Variants in CACNA1C observed in about 807,000 individuals in gnomAD.
CACNA1C encodes the protein calcium voltage-gated channel subunit alpha1 C, also known as voltage-dependent L-type calcium channel subunit alpha-1C.
Under a neutral mutation model 229.0 loss-of-function variants are expected in CACNA1C, and 30 were observed. The observed-to-expected ratio is 0.13, with a 90% CI of 0.10 to 0.18. The LOEUF (loss-of-function observed/expected upper bound fraction) is 0.18, where lower values mean the gene tolerates loss of function less well. CACNA1C is among the 10% of genes least tolerant of loss of function. The probability of loss-of-function intolerance (pLI) is 1.00; values close to 1 mark genes in which losing one functional copy is unlikely to be tolerated. For missense variants in CACNA1C, 1,658 were observed against 2,845.0 expected, an observed-to-expected ratio of 0.58 and a Z score of 9.49; for synonymous variants, 1,114 against 1,132.5, an observed-to-expected ratio of 0.98 and a Z score of 0.33.
intron 3 of CACNA1C, among the ~76,000 whole-genome samples, chr12:2,156,140 G>A (rs1034584542): frequency 9.2e-5 from 14 of 152,092 alleles, no homozygotes; most frequent in Non-Finnish European, 1.9e-4. Context: ...TATCTTTTAA[G>A]GTACACATAC....
chr12:2,420,779 C>T (rs1567584289), intron 3 of CACNA1C, among the ~76,000 whole-genome samples: 1 of 152,172 alleles, frequency 6.6e-6, no homozygotes, highest in African/African-American at 2.4e-5. Context: ...CCTGGCTCTG[C>T]GCCTTGCATT....
rs1048552468 is a variant in CACNA1C at position 2,054,549 on chromosome 12, TC to T, written c.49+940del. On this transcript the variant is annotated intron_variant, in intron 1 of 46. Coordinates refer to ENST00000399655, the MANE Select transcript of CACNA1C (RefSeq NM_000719.7). The surrounding 1 kb of genome is among the most constrained non-coding windows in gnomAD (Gnocchi z 5.5). ...AAAGGCAGTCAGGTAACTCCCTACT[TC>T]CTGGAAACTTTCTCCCTCACCGCTC... 6.6e-6 allele frequency among the ~76,000 whole-genome samples: 1 copy of T among 152,134 alleles called. No individual in the cohort carries two copies.
chr12:2,402,253 T>G (rs2098688794), intron 3 of CACNA1C, among the ~76,000 whole-genome samples: 1 of 152,266 alleles, frequency 6.6e-6, no homozygotes, highest in Non-Finnish European at 1.5e-5. Flanking sequence ...CCTTTAATAT[T>G]ATGCTTCTCC....
intron 3 of CACNA1C, among the ~76,000 whole-genome samples, chr12:2,185,961 CTGAT>C (rs60948276): frequency 0.031 from 4,750 of 152,236 alleles, 240 homozygotes; most frequent in African/African-American, 0.11. Flanking sequence ...CACTTGTAGC[CTGAT>C]TGATTGGTTT....
rs1407177079 is a variant in CACNA1C, at chr12:2,602,017, G to C, written c.2960+57G>C. The C allele has an allele frequency of 8.4e-7, 1 of 1,190,790 alleles. No individual in the cohort carries two copies. Among genetic ancestry groups the C allele is most frequent in the Non-Finnish European group, 1.3e-6 (1 of 794,950 alleles). 73.8% of individuals were successfully genotyped at this position (1,190,790 alleles called of 1,614,324 possible). On this transcript the variant is annotated intron_variant, in intron 22 of 46. Coordinates refer to ENST00000399655, the MANE Select transcript of CACNA1C (RefSeq NM_000719.7). The surrounding 1 kb of genome is among the most constrained non-coding windows in gnomAD (Gnocchi z 4.4). ...CATGCAGCTAGCAAGGGGTGCCAGA[G>C]AGGACAACCAGACCCTGGAGGGCCT...
At chr12:1,996,533 TC>T (rs1467344010) in intron 1 of CACNA1C, among the ~76,000 whole-genome samples, 1 of 144,984 alleles carries the variant, frequency 6.9e-6, no homozygotes, top group Non-Finnish European at 1.5e-5. Context: ...GGGTGTCCAA[TC>T]TTTTGGCCTT....
chr12:2,420,962 C>A (rs2098972680), intron 3 of CACNA1C, among the ~76,000 whole-genome samples: 1 of 152,000 alleles, frequency 6.6e-6, no homozygotes, highest in Non-Finnish European at 1.5e-5. Context: ...GGAAATGCAC[C>A]CTTATTTTAG....
chr12:2,078,851 T>C (rs1483766625), intron 1 of CACNA1C, among the ~76,000 whole-genome samples: 1 of 152,142 alleles, frequency 6.6e-6, no homozygotes, highest in Admixed American at 6.5e-5. Flanking sequence ...GCGGCACTAT[T>C]CACAATAGCA....
intron 3 of CACNA1C, among the ~76,000 whole-genome samples, chr12:2,386,882 C>A (rs1247665263): frequency 6.6e-6 from 1 of 152,184 alleles, no homozygotes; most frequent in Non-Finnish European, 1.5e-5. Flanking sequence ...AGCCTTCTTG[C>A]CACCCCAGTC....
chr12:2,513,466 T>C (rs2099789415), intron 9 of CACNA1C, among the ~76,000 whole-genome samples: 1 of 152,218 alleles, frequency 6.6e-6, no homozygotes, highest in Non-Finnish European at 1.5e-5. Context: ...AGGTTTTCCT[T>C]AAGGGGGTTA....
At chr12:2,073,276 TGA>T (rs1396152337) in intron 1 of CACNA1C, among the ~76,000 whole-genome samples, 2 of 152,230 alleles carry the variant, frequency 1.3e-5, no homozygotes, top group Admixed American at 6.5e-5. Flanking sequence ...TTTGTGAGGT[TGA>T]GTGGCTATCT....
chr12:2,690,801 A>T, intron 46 of CACNA1C, 99 bp from the exon 47 acceptor site: 1 of 1,208,652 alleles, frequency 8.3e-7, no homozygotes, highest in Non-Finnish European at 1.1e-6. Flanking sequence ...TCCCCAAGTG[A>T]CCTACCAGAT....
At chr12:2,598,218 G>T (rs1468943827) in intron 21 of CACNA1C, among the ~76,000 whole-genome samples, 1 of 152,148 alleles carries the variant, frequency 6.6e-6, no homozygotes, top group Non-Finnish European at 1.5e-5. Context: ...AGCAGGTGCC[G>T]CAAGGAACCT....
chr12:2,062,304 T>C (rs563432085), intron 1 of CACNA1C, among the ~76,000 whole-genome samples: 1 of 152,354 alleles, frequency 6.6e-6, no homozygotes, highest in African/African-American at 2.4e-5. Context: ...CTTACAGTAA[T>C]CCTACCACGT....
chr12:2,211,515 C>G (rs995041297), intron 3 of CACNA1C, among the ~76,000 whole-genome samples: 1 of 152,206 alleles, frequency 6.6e-6, no homozygotes, highest in African/African-American at 2.4e-5. Flanking sequence ...GCCTCTTTAA[C>G]TCTAGCAGCC....
chr12:2,430,591 T>C lies in CACNA1C; in HGVS notation c.478-18385T>C, dbSNP rs1329102001. ...GGGAGGTGGTGGGGGGGTCCGAGCA[T>C]GTATGAGACCCAATGCTGGCACAGA... On this transcript the variant is annotated intron_variant, in intron 3 of 46. Transcript: ENST00000399655. Among the ~76,000 whole-genome samples the C allele has an allele frequency of 8.5e-5, 13 of 152,184 alleles. No homozygotes were observed. In the East Asian group the frequency reaches 2.5e-3, roughly 29 times the overall value.
chr12:2,049,343 G>T (rs575556867), upstream of CACNA1C: 1 of 152,288 alleles, frequency 6.6e-6, no homozygotes, highest in African/African-American at 2.4e-5. Context: ...AGGAGCAAAT[G>T]ACTTTATGTA....
intron 3 of CACNA1C, among the ~76,000 whole-genome samples, chr12:2,279,915 T>C (rs1194880716): frequency 6.6e-6 from 1 of 152,232 alleles, no homozygotes; most frequent in Non-Finnish European, 1.5e-5. Flanking sequence ...TTTGGGTATC[T>C]GTGGGGCAGG....
chr12:2,004,477 C>A (rs2042981714), intron 1 of CACNA1C: 1 of 1,552,980 alleles, frequency 6.4e-7, no homozygotes, highest in Non-Finnish European at 8.7e-7. Context: ...GGAAGCCACT[C>A]TCAATAGATC....
Sources: allele counts gnomAD v4.1 joint callset (sites outside exome capture counted in the v4.1 genomes callset), GRCh38; gene constraint gnomAD v4.1.1; non-coding constraint Gnocchi (gnomAD v3.1); transcripts MANE v1.5; gene names NCBI Gene and HGNC (gene_info 2026-07-23, HGNC 2026-07-21).